Variants in SHISA9 observed in about 807,000 individuals in gnomAD.
The protein encoded by SHISA9 is shisa family member 9.
In SHISA9, 13 loss-of-function variants were observed where a neutral mutation model predicts 38.0. That is an observed-to-expected ratio of 0.34 (90% confidence interval 0.22 to 0.54). The LOEUF (loss-of-function observed/expected upper bound fraction) is 0.54, where lower values mean the gene tolerates loss of function less well. Among genes scored for constraint, SHISA9 ranks in the 20% least tolerant of loss-of-function variants. SHISA9 has a pLI of 0.91. For synonymous variants in SHISA9, 275 were observed against 242.0 expected, an observed-to-expected ratio of 1.14 and a Z score of -1.27; for missense variants, 538 against 575.8, an observed-to-expected ratio of 0.93 and a Z score of 0.67.
intron 2 of SHISA9, among the ~76,000 whole-genome samples, chr16:13,147,756 C>T (rs1318666887): frequency 6.6e-6 from 1 of 152,198 alleles, no homozygotes. Context: ...CCACCACGCC[C>T]AGCCTGAACT....
At chr16:13,453,559 A>G in the SHISA9 span, among the ~76,000 whole-genome samples, 3 of 152,148 alleles carry the variant, frequency 2.0e-5, no homozygotes, top group Non-Finnish European at 4.4e-5. Flanking sequence ...AACAAAGCCA[A>G]ATTGCCCCAG....
chr16:13,136,611 G>A (rs1259554157), intron 2 of SHISA9, among the ~76,000 whole-genome samples: 1 of 151,936 alleles, frequency 6.6e-6, no homozygotes, highest in East Asian at 1.9e-4. Context: ...TGTTGGCTGG[G>A]CTGGTCTCAA....
At chr16:12,911,402 T>C (rs1024826383) in intron 1 of SHISA9, 2 of 984,734 alleles carry the variant, frequency 2.0e-6, no homozygotes, top group African/African-American at 3.5e-5. Flanking sequence ...AAAATGTTTT[T>C]TTGTATGCAC....
chr16:13,103,611 T>A (rs2073899667), intron 2 of SHISA9, among the ~76,000 whole-genome samples: 1 of 152,182 alleles, frequency 6.6e-6, no homozygotes, highest in Non-Finnish European at 1.5e-5. Flanking sequence ...GTAACAGGAA[T>A]TGTGCACATT....
chr16:13,412,550 G>A, the SHISA9 span, among the ~76,000 whole-genome samples: 447 of 151,826 alleles, frequency 2.9e-3, 5 homozygotes, highest in African/African-American at 0.01. Flanking sequence ...TCCTGACTTC[G>A]GGCAGCTCTC....
At chr16:12,996,283 G>T (rs1404091852) in intron 2 of SHISA9, among the ~76,000 whole-genome samples, 8 of 152,026 alleles carry the variant, frequency 5.3e-5, no homozygotes, top group Admixed American at 5.2e-4. Context: ...CCAGATTTTT[G>T]GCTTCTCTTG....
chr16:12,909,689 C>A, intron 1 of SHISA9: 1 of 733,856 alleles, frequency 1.4e-6, no homozygotes. Context: ...GGCTTAGTTG[C>A]TTCCCACCCC....
chr16:12,968,535 A>G (rs2072011413), intron 2 of SHISA9, among the ~76,000 whole-genome samples: 1 of 152,188 alleles, frequency 6.6e-6, no homozygotes, highest in African/African-American at 2.4e-5. Flanking sequence ...TGGCTGAATG[A>G]ATAAATAAAT....
chr16:13,300,448 C>T, the SHISA9 span, among the ~76,000 whole-genome samples: 3 of 152,074 alleles, frequency 2.0e-5, no homozygotes, highest in East Asian at 3.9e-4. Context: ...GCATTTCCCT[C>T]GACCTACTCT....
chr16:12,992,212 A>C (rs905342403), intron 2 of SHISA9, among the ~76,000 whole-genome samples: 6 of 151,988 alleles, frequency 3.9e-5, no homozygotes, highest in African/African-American at 1.2e-4. Context: ...AAGAAAACCA[A>C]GTCTCTCAGA....
chr16:13,188,274 A>G (rs2050847805), intron 2 of SHISA9, among the ~76,000 whole-genome samples: 1 of 152,216 alleles, frequency 6.6e-6, no homozygotes, highest in African/African-American at 2.4e-5. Context: ...TAGGTAAAGC[A>G]CCTTGCAAAC....
intron 2 of SHISA9, among the ~76,000 whole-genome samples, chr16:13,118,718 CTTTT>C (rs2074055362): frequency 7.5e-6 from 1 of 133,084 alleles, no homozygotes; most frequent in Non-Finnish European, 1.6e-5. Context: ...TTCTTTCTTT[CTTTT>C]CTTTTTTCTT....
intron 2 of SHISA9, among the ~76,000 whole-genome samples, chr16:12,998,138 C>A (rs538090263): frequency 6.6e-6 from 1 of 152,194 alleles, no homozygotes; most frequent in African/African-American, 2.4e-5. Context: ...ATAATATTTT[C>A]TTAGAGCTGA....
chr16:13,051,729 A>G (rs1305455462), intron 2 of SHISA9, among the ~76,000 whole-genome samples: 3 of 152,008 alleles, frequency 2.0e-5, no homozygotes, highest in African/African-American at 4.8e-5. Context: ...TTTGCTTTCA[A>G]TTACTCCCCT....
chr16:13,222,714 A>G (rs534190364), intron 4 of SHISA9, among the ~76,000 whole-genome samples: 1 of 152,106 alleles, frequency 6.6e-6, no homozygotes, highest in South Asian at 2.1e-4. Context: ...TGTACCATGC[A>G]CTATGCATAA....
At chr16:13,170,100 G>C (rs574599288) in intron 2 of SHISA9, among the ~76,000 whole-genome samples, 1 of 151,602 alleles carries the variant, frequency 6.6e-6, no homozygotes, top group Non-Finnish European at 1.5e-5. Context: ...CTATTCAAGA[G>C]GCTGAGGCAG....
chr16:13,439,792 C>G, the SHISA9 span, among the ~76,000 whole-genome samples: 1 of 152,126 alleles, frequency 6.6e-6, no homozygotes, highest in Admixed American at 6.5e-5. Flanking sequence ...ATTACAAGGG[C>G]CTTCGTGAGA....
the SHISA9 span, among the ~76,000 whole-genome samples, chr16:13,524,144 T>G: frequency 1.3e-5 from 2 of 152,256 alleles, no homozygotes; most frequent in South Asian, 4.2e-4. Flanking sequence ...TTATGCATTC[T>G]TTTCTTGAAA....
downstream of SHISA9, among the ~76,000 whole-genome samples, chr16:13,244,844 G>A (rs555163893): frequency 2.9e-3 from 445 of 152,316 alleles, 2 homozygotes; most frequent in Non-Finnish European, 5.0e-3. Context: ...GATGTGATAC[G>A]ACAATATCTG....
Sources: allele counts gnomAD v4.1 joint callset (sites outside exome capture counted in the v4.1 genomes callset), GRCh38; gene constraint gnomAD v4.1.1; transcripts MANE v1.5; gene names NCBI Gene and HGNC (gene_info 2026-07-23, HGNC 2026-07-21).